The following NMRK1 variants were observed in gnomAD, a reference collection of about 807,000 sequenced individuals.
NMRK1 encodes the protein nicotinamide riboside kinase 1, also known as NRK 1.
In NMRK1, 28 loss-of-function variants were observed where a neutral mutation model predicts 29.9. The observed-to-expected ratio is 0.94, with a 90% confidence interval of 0.69 to 1.28. The LOEUF (loss-of-function observed/expected upper bound fraction) is 1.28, where lower values mean the gene tolerates loss of function less well. Ranked by LOEUF, NMRK1 falls within the 50% of genes most tolerant of loss-of-function variation. NMRK1 has a pLI of 0.00. For synonymous variants in NMRK1, 58 were observed against 73.0 expected, an observed-to-expected ratio of 0.79 and a Z score of 1.05; for missense variants, 218 against 233.1, an observed-to-expected ratio of 0.94 and a Z score of 0.42.
At chr9:75,075,852 G>A (rs1823957483) in intron 4 of NMRK1, among the ~76,000 whole-genome samples, 1 of 152,154 alleles carries the variant, frequency 6.6e-6, no homozygotes, top group Admixed American at 6.5e-5. Flanking sequence ...GGTTGAGGGT[G>A]GCCAATGTAG....
intron 1 of NMRK1, among the ~76,000 whole-genome samples, chr9:75,083,650 A>T (rs1824450958): frequency 6.6e-6 from 1 of 152,190 alleles, no homozygotes; most frequent in Non-Finnish European, 1.5e-5. Context: ...GACAAGAAGA[A>T]AGTTACTGCT....
intron 3 of NMRK1, 119 bp from the exon 4 acceptor site, chr9:75,077,326 C>G (rs2118172339): frequency 1.1e-6 from 1 of 872,472 alleles, no homozygotes; most frequent in South Asian, 1.5e-5. Flanking sequence ...AAGATCAGCA[C>G]TGATAGACAG....
chr9:75,065,997 A>C (rs766529982), intron 8 of NMRK1, among the ~76,000 whole-genome samples: 1 of 152,192 alleles, frequency 6.6e-6, no homozygotes, highest in Non-Finnish European at 1.5e-5. Context: ...CCTGACTTCA[A>C]AATAAACCCT....
intron 2 of NMRK1, among the ~76,000 whole-genome samples, chr9:75,081,316 G>T (rs968068271): frequency 6.6e-6 from 1 of 152,228 alleles, no homozygotes; most frequent in East Asian, 1.9e-4. Flanking sequence ...CACTTGGCCA[G>T]GAGCAGTGGC....
intron 6 of NMRK1, chr9:75,069,533 T>C (rs1823571023): frequency 3.7e-6 from 2 of 544,606 alleles, no homozygotes; most frequent in African/African-American, 1.9e-5. Context: ...GAAAGCTTGA[T>C]ATAAGGCCCT....
At chr9:75,086,485 T>C (rs1587415964) in intron 1 of NMRK1, among the ~76,000 whole-genome samples, 1 of 152,216 alleles carries the variant, frequency 6.6e-6, no homozygotes, top group East Asian at 1.9e-4. Context: ...AGAGCAAACC[T>C]GAAATGACTA....
intron 2 of NMRK1, among the ~76,000 whole-genome samples, chr9:75,078,853 A>G (rs1243353025): frequency 6.6e-6 from 1 of 152,202 alleles, no homozygotes; most frequent in Non-Finnish European, 1.5e-5. Flanking sequence ...TAATATATTA[A>G]CATAGAAGAG....
Position 75,061,339 on chromosome 9 carries a change from G to C in NMRK1, c.*209C>G, listed in dbSNP as rs1823008837. On this transcript the variant is annotated 3_prime_UTR_variant, in exon 9 of 9. Coordinates refer to ENST00000361092, the MANE Select transcript of NMRK1 (RefSeq NM_017881.3). ...CTGCTGTATCTATGCGCTCCCTGGA[G>C]AGGGAGCAACTTGCTAAGGTACAGT... 1 of 519,018 alleles carries C rather than the reference G, an allele frequency of 1.9e-6. No individual in the cohort carries two copies. The highest frequency in any genetic ancestry group is 3.7e-5 in the Admixed American group (1 of 26,728). 32.2% of individuals were successfully genotyped at this position (519,018 alleles called of 1,614,324 possible). A position where few individuals can be genotyped will look rare whatever the true frequency, so the allele number is the denominator to read the frequency against.
At chr9:75,070,173 TAAC>T (rs1823619976) in intron 4 of NMRK1, 131 bp from the exon 5 acceptor site, 1 of 619,276 alleles carries the variant, frequency 1.6e-6, no homozygotes, top group Admixed American at 3.5e-5. Flanking sequence ...AAACTCCTAA[TAAC>T]AAATAATTTA....
At chr9:75,062,391 T>G (rs72732959) in intron 8 of NMRK1, among the ~76,000 whole-genome samples, 1 of 152,124 alleles carries the variant, frequency 6.6e-6, no homozygotes, top group Non-Finnish European at 1.5e-5. Flanking sequence ...CTTCTTATTC[T>G]TTTGATTTGG....
intron 6 of NMRK1, 102 bp from the exon 7 acceptor site, chr9:75,069,204 C>A (rs1823549941): frequency 1.0e-5 from 8 of 798,060 alleles, no homozygotes; most frequent in Non-Finnish European, 1.7e-5. Flanking sequence ...GAGGCTGAAT[C>A]TAAACAGGAT....
At chr9:75,065,122 C>T (rs1188869712) in intron 8 of NMRK1, among the ~76,000 whole-genome samples, 1 of 152,148 alleles carries the variant, frequency 6.6e-6, no homozygotes, top group Non-Finnish European at 1.5e-5. Context: ...ACCTCAATAC[C>T]CTGAGTAGCT....
At chr9:75,065,229 G>A (rs536159558) in intron 8 of NMRK1, among the ~76,000 whole-genome samples, 97 of 152,184 alleles carry the variant, frequency 6.4e-4, no homozygotes, top group Non-Finnish European at 1.1e-3. Flanking sequence ...GTGCAGTGGC[G>A]TGCAATCTTA....
intron 2 of NMRK1, chr9:75,078,559 C>A (rs1026435592): frequency 2.5e-5 from 32 of 1,276,176 alleles, no homozygotes; most frequent in Non-Finnish European, 3.1e-5. Flanking sequence ...TTATTGAAAG[C>A]GTGTTTTAAC....
chr9:75,080,841 C>G (rs139947308), intron 2 of NMRK1, among the ~76,000 whole-genome samples: 1 of 152,126 alleles, frequency 6.6e-6, no homozygotes, highest in African/African-American at 2.4e-5. Context: ...CTCCTTCTTC[C>G]GCCATGTGAC....
intron 1 of NMRK1, 189 bp downstream of exon 1, chr9:75,087,819 C>T (rs554611376): frequency 6.6e-6 from 1 of 152,392 alleles, no homozygotes; most frequent in African/African-American, 2.4e-5. Context: ...GGCGCTAGAG[C>T]ACCACGCCAC....
Position 75,069,905 on chromosome 9 carries a change from AAAG to A in NMRK1, c.304_306del (p.Leu102del). On this transcript the variant is annotated inframe_deletion, in exon 5 of 9. Coordinates refer to ENST00000361092, the MANE Select transcript of NMRK1 (RefSeq NM_017881.3). ...GGTGGAGATGCTTACTTATAATTAAAAAGAAGAAAACCTTCGATGATTAAAATG... is the reference window on the plus strand; with the variant it reads ...GGTGGAGATGCTTACTTATAATTAAAAAGAAAACCTTCGATGATTAAAATG... The A allele has an allele frequency of 6.2e-7, 1 of 1,613,410 alleles. No homozygotes were observed.
chr9:75,071,404 G>A (rs918108655), intron 4 of NMRK1, among the ~76,000 whole-genome samples: 1 of 152,086 alleles, frequency 6.6e-6, no homozygotes, highest in Non-Finnish European at 1.5e-5. Flanking sequence ...TTTCAAGCCT[G>A]TTTGCAATAT....
intron 2 of NMRK1, among the ~76,000 whole-genome samples, chr9:75,081,560 G>C (rs1824323162): frequency 6.6e-6 from 1 of 152,200 alleles, no homozygotes; most frequent in Non-Finnish European, 1.5e-5. Flanking sequence ...ATACGGCCCT[G>C]TATTGGGACA....
Sources: allele counts gnomAD v4.1 joint callset (sites outside exome capture counted in the v4.1 genomes callset), GRCh38; gene constraint gnomAD v4.1.1; transcripts MANE v1.5; gene names NCBI Gene and HGNC (gene_info 2026-07-23, HGNC 2026-07-21).